Variants in TRIO observed in about 807,000 individuals in gnomAD.
The protein encoded by TRIO is triple functional domain protein.
Under a neutral mutation model 351.9 loss-of-function variants are expected in TRIO, and 58 were observed. The observed-to-expected ratio is 0.16, with a 90% CI of 0.13 to 0.21. TRIO has a LOEUF of 0.21. TRIO is among the 10% of genes least tolerant of loss of function. The pLI, the probability that TRIO is intolerant of heterozygous loss-of-function variation, is 1.00. For synonymous variants in TRIO, 1,758 were observed against 1,595.7 expected (o/e 1.10, Z -2.42); for missense variants, 3,201 against 4,027.8 (o/e 0.79, Z 5.56).
intron 1 of TRIO, among the ~76,000 whole-genome samples, chr5:14,222,142 C>CTTT (rs34968826): frequency 7.1e-6 from 1 of 141,420 alleles, no homozygotes; most frequent in East Asian, 2.0e-4. Flanking sequence ...TTTTTCTTTT[C>CTTT]TTTTTTTTTT....
intron 9 of TRIO, among the ~76,000 whole-genome samples, chr5:14,329,271 GA>G (rs752354718): frequency 7.9e-5 from 12 of 152,200 alleles, no homozygotes; most frequent in Non-Finnish European, 1.5e-4. Context: ...AGTCCAAGGT[GA>G]TTTTGATCTG....
chr5:14,443,091 T>TTAAATG (rs1363050956), intron 34 of TRIO, among the ~76,000 whole-genome samples: 1 of 152,236 alleles, frequency 6.6e-6, no homozygotes, highest in African/African-American at 2.4e-5. Flanking sequence ...AATTCGCTTT[T>TTAAATG]TAAAGTACTA....
At chr5:14,221,233 T>C (rs1372252281) in intron 1 of TRIO, among the ~76,000 whole-genome samples, 2 of 152,132 alleles carry the variant, frequency 1.3e-5, no homozygotes, top group Non-Finnish European at 2.9e-5. Context: ...AAAAGATTTT[T>C]TTTTCCCAAA....
At chr5:14,413,957 G>T (rs188018301) in intron 33 of TRIO, among the ~76,000 whole-genome samples, 1 of 152,172 alleles carries the variant, frequency 6.6e-6, no homozygotes, top group African/African-American at 2.4e-5. Flanking sequence ...GCTAGTTAAC[G>T]TTAGATCTCA....
intron 1 of TRIO, among the ~76,000 whole-genome samples, chr5:14,200,179 A>G (rs1791018112): frequency 6.6e-6 from 1 of 151,970 alleles, no homozygotes; most frequent in African/African-American, 2.4e-5. Flanking sequence ...TGTGCCATTC[A>G]GCCAGGTGGC....
intron 29 of TRIO, among the ~76,000 whole-genome samples, chr5:14,398,349 C>G (rs946583695): frequency 2.8e-4 from 42 of 152,244 alleles, no homozygotes; most frequent in African/African-American, 9.9e-4. Context: ...GGAGGGTGCA[C>G]CAAGCATGGG....
At chr5:14,299,993 A>G (rs979848225) in intron 7 of TRIO, among the ~76,000 whole-genome samples, 1 of 152,250 alleles carries the variant, frequency 6.6e-6, no homozygotes, top group African/African-American at 2.4e-5. Context: ...ATGATGTTTC[A>G]TAGATGCTAT....
intron 1 of TRIO, among the ~76,000 whole-genome samples, chr5:14,181,711 A>G (rs1789779949): frequency 6.6e-6 from 1 of 152,160 alleles, no homozygotes; most frequent in Non-Finnish European, 1.5e-5. Flanking sequence ...CTTAGAGACC[A>G]ATGTCAGGGG....
At chr5:14,197,856 T>C (rs1251588627) in intron 1 of TRIO, among the ~76,000 whole-genome samples, 2 of 152,208 alleles carry the variant, frequency 1.3e-5, no homozygotes, top group Non-Finnish European at 2.9e-5. Flanking sequence ...GGTACCCGAA[T>C]CTCTTATACT....
intron 1 of TRIO, among the ~76,000 whole-genome samples, chr5:14,214,116 T>G (rs975771176): frequency 6.6e-5 from 10 of 152,166 alleles, no homozygotes; most frequent in Non-Finnish European, 1.2e-4. Context: ...TGTCATGTGC[T>G]CCTGCTGGAA....
At chr5:14,196,816 G>C (rs566825158) in intron 1 of TRIO, among the ~76,000 whole-genome samples, 1 of 152,312 alleles carries the variant, frequency 6.6e-6, no homozygotes, top group East Asian at 1.9e-4. Context: ...ACCAGATACT[G>C]AATGAAGTTT....
intron 1 of TRIO, among the ~76,000 whole-genome samples, chr5:14,163,966 T>C (rs866135475): frequency 5.9e-5 from 9 of 152,188 alleles, no homozygotes; most frequent in Middle Eastern, 3.2e-3. Flanking sequence ...TGAGTTGCTC[T>C]TGTGTGAATG....
At chr5:14,413,639 G>GCACAA (rs1749387803) in intron 33 of TRIO, among the ~76,000 whole-genome samples, 2 of 152,204 alleles carry the variant, frequency 1.3e-5, no homozygotes, top group African/African-American at 4.8e-5. Context: ...ACCACAAACT[G>GCACAA]AATGTCATCT....
intron 11 of TRIO, among the ~76,000 whole-genome samples, chr5:14,350,483 G>A (rs1474884622): frequency 3.3e-5 from 5 of 152,120 alleles, no homozygotes; most frequent in Admixed American, 6.6e-5. Context: ...ATGGTGTTCC[G>A]TCTGTGAGCT....
chr5:14,340,414 A>AAT (rs148449776), intron 11 of TRIO, among the ~76,000 whole-genome samples: 1 of 150,834 alleles, frequency 6.6e-6, no homozygotes, highest in Non-Finnish European at 1.5e-5. Flanking sequence ...AAAAAAAAAA[A>AAT]GAAAAAGTAG....
At chr5:14,281,216 A>G (rs1735961122) in intron 3 of TRIO, among the ~76,000 whole-genome samples, 3 of 152,188 alleles carry the variant, frequency 2.0e-5, no homozygotes, top group Non-Finnish European at 2.9e-5. Context: ...TAAAGAAAAG[A>G]GGTTTAATTG....
intron 1 of TRIO, among the ~76,000 whole-genome samples, chr5:14,225,842 A>G (rs1273824698): frequency 2.7e-5 from 4 of 147,272 alleles, no homozygotes; most frequent in Non-Finnish European, 6.0e-5. Flanking sequence ...GGGCATAACA[A>G]CGGGGGTGGG....
At chr5:14,260,042 T>C (rs1346567543) in intron 1 of TRIO, among the ~76,000 whole-genome samples, 3 of 152,242 alleles carry the variant, frequency 2.0e-5, no homozygotes, top group Non-Finnish European at 4.4e-5. Flanking sequence ...AGCTATAATA[T>C]GGGTTTCTAA....
chr5:14,458,283 T>G (rs12654927), intron 34 of TRIO, among the ~76,000 whole-genome samples: 1 of 152,352 alleles, frequency 6.6e-6, no homozygotes, highest in East Asian at 1.9e-4. Flanking sequence ...GTAATACTTG[T>G]GTGCCTACTG....
Sources: allele counts gnomAD v4.1 joint callset (sites outside exome capture counted in the v4.1 genomes callset), GRCh38; gene constraint gnomAD v4.1.1; transcripts MANE v1.5; gene names NCBI Gene and HGNC (gene_info 2026-07-23, HGNC 2026-07-21).